PRKDC: variants seen among roughly 807,000 people sequenced by gnomAD.
PRKDC encodes protein kinase, DNA-activated, catalytic subunit, also known as DNA-dependent protein kinase catalytic subunit.
In PRKDC, 82 loss-of-function variants were observed where a neutral mutation model predicts 486.9. The ratio of observed to expected loss-of-function variants is 0.17; its 90% CI spans 0.14 to 0.20. PRKDC has a LOEUF of 0.20. Ranked by LOEUF, PRKDC falls within the 10% of genes least tolerant of loss-of-function variation. The pLI is 1.00. For missense variants in PRKDC, 4,504 were observed against 5,038.2 expected (o/e 0.89, Z 3.21); for synonymous variants, 1,895 against 1,837.0 (o/e 1.03, Z -0.81).
At position 47,830,592 on chromosome 8, in the gene PRKDC, G is replaced by A. The variant is rs1417338907; in HGVS notation, c.8397+13C>T. ...TTAACCTGTCAACAGAAAACGCAGC[G>A]GCAAAAACTGACCTGGGCCACGGCC... On this transcript the variant is annotated intron_variant, in intron 61 of 85. Coordinates refer to ENST00000314191, the MANE Select transcript of PRKDC (RefSeq NM_006904.7). 10 of 1,611,836 alleles carry A rather than the reference G, an allele frequency of 6.2e-6. No homozygotes were observed. Among genetic ancestry groups the A allele is most frequent in the Admixed American group, 3.3e-5 (2 of 59,920 alleles).
chr8:47,885,926 A>G lies in PRKDC; in HGVS notation c.4776+18T>C, dbSNP rs902011673. 1.9e-6 allele frequency: 3 copies of G among 1,604,866 alleles called. No homozygotes were observed. Among genetic ancestry groups the G allele is most frequent in the Non-Finnish European group, 2.6e-6 (3 of 1,172,504 alleles). ...AACAAACAAAAAAAACAGTTTATTT[A>G]AAGGGAAACTTTGTTACCATTTTGG... is the stretch of plus-strand genomic sequence containing the variant. On this transcript the variant is annotated intron_variant, in intron 36 of 85. Transcript: ENST00000314191.
At chr8:47,816,821 A>T (rs750115519) in intron 68 of PRKDC, among the ~76,000 whole-genome samples, 13 of 136,574 alleles carry the variant, frequency 9.5e-5, no homozygotes, top group Admixed American at 4.3e-4. Context: ...TAAAAAGTTT[A>T]AAAAAAAAAA....
At chr8:47,868,838 C>G (rs542099721) in intron 40 of PRKDC, among the ~76,000 whole-genome samples, 2 of 152,134 alleles carry the variant, frequency 1.3e-5, no homozygotes, top group Non-Finnish European at 2.9e-5. Context: ...AGCAATTGCA[C>G]GCAGGACACA....
At chr8:47,874,782 C>CAGTG (rs2089052923) in intron 40 of PRKDC, among the ~76,000 whole-genome samples, 1 of 152,108 alleles carries the variant, frequency 6.6e-6, no homozygotes, top group Admixed American at 6.5e-5. Flanking sequence ...AGGCCAGGCA[C>CAGTG]AGTGGCTCGT....
Position 47,774,159 on chromosome 8 carries a change from G to A in PRKDC, c.*14C>T. On this transcript the variant is annotated 3_prime_UTR_variant, in exon 86 of 86. Transcript: ENST00000314191. The stretch of plus-strand genomic sequence containing the variant: ...AACAATGTAATGCTTTCTATCTGCA[G>A]ACTCCCACAGACCTCACATCCAGGG... 6.4e-7 allele frequency: 1 copy of A among 1,559,952 alleles called. No homozygotes were observed. The highest frequency in any genetic ancestry group is 8.7e-7 in the Non-Finnish European group (1 of 1,151,438).
chr8:47,795,363 G>T (rs751326210), intron 73 of PRKDC, among the ~76,000 whole-genome samples: 1 of 144,818 alleles, frequency 6.9e-6, no homozygotes, highest in Non-Finnish European at 1.5e-5. Flanking sequence ...CTAATTTTTT[G>T]TATTTTTAGT....
intron 21 of PRKDC, among the ~76,000 whole-genome samples, chr8:47,920,259 G>C (rs569931794): frequency 6.6e-6 from 1 of 152,222 alleles, no homozygotes; most frequent in South Asian, 2.1e-4. Context: ...TTCCTCTAGC[G>C]CTCCTGGGTT....
chr8:47,955,843 G>A, intron 4 of PRKDC, 31 bp downstream of exon 4: 1 of 1,493,118 alleles, frequency 6.7e-7, no homozygotes, highest in Non-Finnish European at 9.2e-7. Flanking sequence ...CATGTTTAAT[G>A]TAAAATACGT....
rs561152266 is a variant in PRKDC, at chr8:47,896,442, T to C, written c.3598+719A>G. ...GCGGGTGGATCACGAGGTCAGCAGATAGAGACCATCCTGGCTAACACGGTG... is the reference window on the plus strand; with the variant it reads ...GCGGGTGGATCACGAGGTCAGCAGACAGAGACCATCCTGGCTAACACGGTG... On this transcript the variant is annotated intron_variant, in intron 30 of 85. Transcript: ENST00000314191. 4.0e-4 allele frequency among the ~76,000 whole-genome samples: 61 copies of C among 152,142 alleles called. No individual in the cohort carries two copies. The South Asian group carries it at 0.012, about 31-fold the overall frequency.
intron 16 of PRKDC, among the ~76,000 whole-genome samples, chr8:47,932,353 G>A (rs1424731565): frequency 6.6e-6 from 1 of 152,168 alleles, no homozygotes; most frequent in Non-Finnish European, 1.5e-5. Flanking sequence ...AAAGTGCTGG[G>A]ATTACAGGCA....
At chr8:47,793,736 T>G (rs1405182557) in intron 74 of PRKDC, among the ~76,000 whole-genome samples, 1 of 109,442 alleles carries the variant, frequency 9.1e-6, no homozygotes, top group Non-Finnish European at 1.9e-5. Flanking sequence ...CTTGTTGAAA[T>G]CAATACATTC....
rs2086651257 is a variant in PRKDC at position 47,778,803 on chromosome 8, T to C, written c.11580-4A>G. On this transcript the variant is annotated splice_polypyrimidine_tract_variant and splice_region_variant and intron_variant, in intron 81 of 85. Transcript: ENST00000314191. ...TGTTTCAGTACGATTAGCGCCCCTA[T>C]GATTTAATAATAGAAACATCTAATT... 1 of 1,611,426 alleles carries C rather than the reference T, an allele frequency of 6.2e-7. No homozygotes were observed. Among genetic ancestry groups the C allele is most frequent in the Non-Finnish European group, 8.5e-7 (1 of 1,178,934 alleles).
At position 47,849,157 on chromosome 8, in the gene PRKDC, T is replaced by C; in HGVS notation, c.7277A>G (p.His2426Arg). The change falls in exon 54 of 86, where the codon CAT (histidine) becomes CGT (arginine). Residue 2426 changes from histidine to arginine, a missense_variant. Physicochemically the swap from His to Arg is conservative, Grantham distance 29. This residue lies in a region of PRKDC where 1,592 missense variants were observed against 1,724.6 expected (regional missense o/e 0.92). Coordinates refer to ENST00000314191, the MANE Select transcript of PRKDC (RefSeq NM_006904.7). ...KSKDFVQVMR[H>R]RDDERQKVCL... is the part of the protein sequence containing the mutation. Reference sequence around the variant, plus strand: ...AGCAGGGCTAGTGTTCACTCACCTATGTCTCATGACTTGAACGAAGTCCTT... The same window carrying C: ...AGCAGGGCTAGTGTTCACTCACCTACGTCTCATGACTTGAACGAAGTCCTT... 1 of 1,614,010 alleles carries C rather than the reference T, an allele frequency of 6.2e-7. No individual in the cohort carries two copies. The highest frequency in any genetic ancestry group is 8.5e-7 in the Non-Finnish European group (1 of 1,179,858).
At chr8:47,943,783 A>C (rs2090484597) in intron 9 of PRKDC, 70 bp downstream of exon 9, 2 of 1,322,758 alleles carry the variant, frequency 1.5e-6, no homozygotes, top group Admixed American at 2.3e-5. Flanking sequence ...TCAAAGTTTA[A>C]GCAAAAGCTT....
At chr8:47,803,255 C>T in intron 70 of PRKDC, 51 bp downstream of exon 70, 1 of 1,516,906 alleles carries the variant, frequency 6.6e-7, no homozygotes, top group Non-Finnish European at 8.9e-7. Flanking sequence ...ATACACAAGA[C>T]AATATAACAC....
intron 69 of PRKDC, 131 bp downstream of exon 69, chr8:47,807,006 A>G (rs775038389): frequency 4.2e-5 from 40 of 960,494 alleles, no homozygotes; most frequent in Non-Finnish European, 5.8e-5. Context: ...AAGTTTACTT[A>G]TAAAGAGAGA....
intron 54 of PRKDC, among the ~76,000 whole-genome samples, chr8:47,843,982 AC>A (rs559235918): frequency 1.6e-3 from 248 of 152,378 alleles, no homozygotes; most frequent in African/African-American, 5.2e-3. Flanking sequence ...AAGCAACTAC[AC>A]AGTTAAGTCT....
chr8:47,917,650 GATA>G (rs1424888210), intron 22 of PRKDC, among the ~76,000 whole-genome samples: 1 of 152,052 alleles, frequency 6.6e-6, no homozygotes, highest in Non-Finnish European at 1.5e-5. Flanking sequence ...AACTGAACCT[GATA>G]ATATGACATA....
At position 47,914,653 on chromosome 8, in the gene PRKDC, T is replaced by C. The variant is rs558182973; in HGVS notation, c.2618-589A>G. ...CATCTCTACTAAAAATACAAAAAATTAGCCAGGCATGGTGGCGTCTGTCTG... is the reference window on the plus strand; with the variant it reads ...CATCTCTACTAAAAATACAAAAAATCAGCCAGGCATGGTGGCGTCTGTCTG... On this transcript the variant is annotated intron_variant, in intron 23 of 85. Coordinates refer to ENST00000314191, the MANE Select transcript of PRKDC (RefSeq NM_006904.7). Among the ~76,000 whole-genome samples, 92 of 152,058 alleles carry C rather than the reference T, an allele frequency of 6.1e-4. 1 individual carries two copies. In the South Asian group the frequency reaches 0.018, roughly 31 times the overall value.
Sources: gnomAD v4.1 joint callset for allele counts (sites outside exome capture counted in the v4.1 genomes callset) on GRCh38, gnomAD v4.1.1 for gene constraint, gnomAD v4.1.1 regional missense constraint, MANE v1.5 for transcripts, NCBI Gene and HGNC (gene_info 2026-07-23, HGNC 2026-07-21) for gene names.